Variants in AKAP6 observed in about 807,000 individuals in gnomAD.
The protein encoded by AKAP6 is A-kinase anchor protein 6.
Under a neutral mutation model 188.5 loss-of-function variants are expected in AKAP6, and 58 were observed. The ratio of observed to expected loss-of-function variants is 0.31; its 90% CI spans 0.25 to 0.38. AKAP6 has a LOEUF of 0.38. AKAP6 is among the 10% of genes least tolerant of loss of function. The pLI, the probability that AKAP6 is intolerant of heterozygous loss-of-function variation, is 1.00. For missense variants in AKAP6, 2,710 were observed against 2,740.0 expected (o/e 0.99, Z 0.24); for synonymous variants, 989 against 998.6 (o/e 0.99, Z 0.18).
At chr14:32,425,598 AAAGGAGGG>A (rs1235999119) in intron 1 of AKAP6, among the ~76,000 whole-genome samples, 1 of 151,632 alleles carries the variant, frequency 6.6e-6, no homozygotes, top group Non-Finnish European at 1.5e-5. Flanking sequence ...AGAGAAAGAG[AAAGGAGGG>A]AAGGAGGGAA....
chr14:32,639,678 A>G (rs1409223485), intron 7 of AKAP6, among the ~76,000 whole-genome samples: 1 of 152,180 alleles, frequency 6.6e-6, no homozygotes, highest in African/African-American at 2.4e-5. Context: ...GAGAAGTCCA[A>G]AGTGTTAGAA....
intron 11 of AKAP6, among the ~76,000 whole-genome samples, chr14:32,750,053 G>T (rs2032065000): frequency 6.6e-6 from 1 of 152,140 alleles, no homozygotes; most frequent in Non-Finnish European, 1.5e-5. Flanking sequence ...TAAGATTACT[G>T]ATCTTTTTTC....
chr14:32,451,245 A>G (rs1890925462), intron 2 of AKAP6, among the ~76,000 whole-genome samples: 1 of 152,212 alleles, frequency 6.6e-6, no homozygotes. Context: ...ACTCATAAGA[A>G]GAAAACATGA....
At chr14:32,775,698 G>C (rs182704680) in intron 12 of AKAP6, among the ~76,000 whole-genome samples, 770 of 152,144 alleles carry the variant, frequency 5.1e-3, no homozygotes, top group Non-Finnish European at 9.1e-3. Flanking sequence ...CAATGTGCTG[G>C]GGTTGCAGGT....
chr14:32,799,550 T>C (rs1005637397), intron 12 of AKAP6, among the ~76,000 whole-genome samples: 5 of 152,220 alleles, frequency 3.3e-5, no homozygotes, highest in South Asian at 2.1e-4. Context: ...AAATTTTTTA[T>C]TGAGACTTCT....
chr14:32,521,315 T>C (rs1242089571), intron 2 of AKAP6, among the ~76,000 whole-genome samples: 1 of 152,012 alleles, frequency 6.6e-6, no homozygotes, highest in Non-Finnish European at 1.5e-5. Flanking sequence ...CTATTCAACA[T>C]AGTGTTGGAA....
intron 7 of AKAP6, among the ~76,000 whole-genome samples, chr14:32,640,523 A>G (rs1226833556): frequency 6.6e-6 from 1 of 152,106 alleles, no homozygotes; most frequent in Non-Finnish European, 1.5e-5. Flanking sequence ...TTCTTTTGTA[A>G]CAATTGATAA....
At chr14:32,523,928 G>T (rs1230608424) in intron 2 of AKAP6, among the ~76,000 whole-genome samples, 1 of 152,128 alleles carries the variant, frequency 6.6e-6, no homozygotes, top group Admixed American at 6.6e-5. Context: ...AGGCTGGATT[G>T]CTTCATGTGG....
At chr14:32,343,649 G>A (rs1359341581) in intron 1 of AKAP6, among the ~76,000 whole-genome samples, 1 of 150,218 alleles carries the variant, frequency 6.7e-6, no homozygotes, top group Non-Finnish European at 1.5e-5. Context: ...TCGGGAGGCT[G>A]AGGCAGGAGA....
At chr14:32,507,143 C>T (rs550013517) in intron 2 of AKAP6, among the ~76,000 whole-genome samples, 4 of 152,260 alleles carry the variant, frequency 2.6e-5, no homozygotes, top group Admixed American at 2.6e-4. Flanking sequence ...CTGTATCTAT[C>T]CAACAATTGC....
chr14:32,717,479 T>A (rs1198199866), intron 9 of AKAP6, among the ~76,000 whole-genome samples: 1 of 152,058 alleles, frequency 6.6e-6, no homozygotes, highest in African/African-American at 2.4e-5. Context: ...TTTTCCTATC[T>A]GGTGAAACCT....
At chr14:32,336,187 T>C (rs1309671012) in intron 1 of AKAP6, among the ~76,000 whole-genome samples, 1 of 152,010 alleles carries the variant, frequency 6.6e-6, no homozygotes, top group Non-Finnish European at 1.5e-5. Flanking sequence ...TGGGTATGAA[T>C]GATGGCACTT....
At chr14:32,451,709 A>T (rs1372658928) in intron 2 of AKAP6, among the ~76,000 whole-genome samples, 1 of 152,174 alleles carries the variant, frequency 6.6e-6, no homozygotes. Flanking sequence ...TGCATTGCCC[A>T]ATATGGTAGC....
chr14:32,810,975 C>G (rs1594970665), intron 12 of AKAP6, among the ~76,000 whole-genome samples: 2 of 152,194 alleles, frequency 1.3e-5, no homozygotes, highest in South Asian at 4.2e-4. Context: ...TGCGGTGGCT[C>G]ACACCTGTAA....
In AKAP6 at chr14:32,823,836, C is replaced by T. The variant is rs2034600188; in HGVS notation, c.6023C>T (p.Ala2008Val). The T allele has an allele frequency of 1.2e-6, 2 of 1,613,580 alleles. No homozygotes were observed. Among genetic ancestry groups the T allele is most frequent in the Non-Finnish European group, 8.5e-7 (1 of 1,179,910 alleles). ...GATGCACTGAAATCATCTGATGATG[C>T]ACCGAGTATGGCTGGAAAATCTGCT... Reference protein sequence around the residue: ...DSDALKSSDDAPSMAGKSAGC... With the variant: ...DSDALKSSDDVPSMAGKSAGC... The change falls in exon 13 of 14, where the codon GCA becomes GTA. Residue 2008 changes from alanine to valine, a missense_variant. By Grantham distance (64) the Ala-to-Val change is moderately conservative. This residue lies in a region of AKAP6 where 2,473 missense variants were observed against 2,426.1 expected (regional missense o/e 1.02). Coordinates refer to ENST00000280979, the MANE Select transcript of AKAP6 (RefSeq NM_004274.5).
At chr14:32,554,859 T>C (rs1438556521) in intron 4 of AKAP6, among the ~76,000 whole-genome samples, 1 of 152,192 alleles carries the variant, frequency 6.6e-6, no homozygotes, top group Non-Finnish European at 1.5e-5. Flanking sequence ...CTCTCACATT[T>C]TGGGCTTCCT....
At chr14:32,493,888 C>T (rs1159582886) in intron 2 of AKAP6, among the ~76,000 whole-genome samples, 6 of 152,042 alleles carry the variant, frequency 3.9e-5, no homozygotes, top group African/African-American at 1.4e-4. Flanking sequence ...GTAAAGAGAA[C>T]ATTAAGATGT....
intron 2 of AKAP6, among the ~76,000 whole-genome samples, chr14:32,505,461 A>G (rs773262115): frequency 3.6e-4 from 55 of 152,156 alleles, no homozygotes; most frequent in Admixed American, 1.9e-3. Flanking sequence ...ATATTTTAAT[A>G]TAGTATTTTT....
rs1408640489 is a variant in AKAP6 at position 32,568,393 on chromosome 14, A to G, written c.2347-8727A>G. ...AATGGGGAAATTTGACTATTCAATA[A>G]CTTCACAAGTTATTAGTAGGATAGA... On this transcript the variant is annotated intron_variant, in intron 4 of 13. Coordinates refer to ENST00000280979, the MANE Select transcript of AKAP6 (RefSeq NM_004274.5). This position sits in a 1 kb window ranked among gnomAD's most constrained non-coding sequence, Gnocchi z 6.2. Among the ~76,000 whole-genome samples the G allele has an allele frequency of 6.6e-6, 1 of 152,160 alleles. No homozygotes were observed. Among genetic ancestry groups the G allele is most frequent in the East Asian group, 1.9e-4 (1 of 5,190 alleles).
Sources: allele counts gnomAD v4.1 joint callset (sites outside exome capture counted in the v4.1 genomes callset), GRCh38; gene constraint gnomAD v4.1.1; regional missense constraint gnomAD v4.1.1; non-coding constraint Gnocchi (gnomAD v3.1); transcripts MANE v1.5; gene names NCBI Gene and HGNC (gene_info 2026-07-23, HGNC 2026-07-21).